Variants in ARHGAP19 observed in about 807,000 individuals in gnomAD.
ARHGAP19 encodes Rho GTPase activating protein 19.
ARHGAP19 carries 48 observed loss-of-function variants against 60.9 expected under a neutral mutation model. That is an observed-to-expected ratio of 0.79 (90% CI 0.62 to 1.00). The LOEUF (loss-of-function observed/expected upper bound fraction) is 1.00, where lower values mean the gene tolerates loss of function less well. Ranked by LOEUF, ARHGAP19 falls within the 50% of genes least tolerant of loss-of-function variation. The pLI is 0.00. For missense variants in ARHGAP19, 562 were observed against 597.2 expected (o/e 0.94, Z 0.61); for synonymous variants, 209 against 215.5 (o/e 0.97, Z 0.27).
At chr10:97,253,131 G>A (rs1435194927) in intron 6 of ARHGAP19, among the ~76,000 whole-genome samples, 1 of 152,106 alleles carries the variant, frequency 6.6e-6, no homozygotes, top group Non-Finnish European at 1.5e-5. Context: ...GCTCACACCT[G>A]TAATCCCAGC....
At chr10:97,236,674 G>A (rs527766688) in intron 8 of ARHGAP19, among the ~76,000 whole-genome samples, 5 of 152,108 alleles carry the variant, frequency 3.3e-5, no homozygotes, top group East Asian at 3.9e-4. Context: ...GGGCATGGTG[G>A]TGTACATCTG....
intron 8 of ARHGAP19, among the ~76,000 whole-genome samples, chr10:97,235,808 A>G (rs1296880813): frequency 1.3e-5 from 2 of 152,212 alleles, no homozygotes; most frequent in Non-Finnish European, 2.9e-5. Flanking sequence ...AGACTTGTCA[A>G]TGCTATCAAC....
Position 97,225,976 on chromosome 10 carries a change from A to AC in ARHGAP19, c.*145_*146insG. On this transcript the variant is annotated 3_prime_UTR_variant, in exon 12 of 12. Transcript: ENST00000358531. ...TCATCCAGTGAGTGGGGTTAGAGGT[A>AC]TCAGTCGGGTCACGGTATTAGTTGG... 6.6e-6 allele frequency: 5 copies of AC among 756,656 alleles called. No individual in the cohort carries two copies. In the South Asian group the frequency reaches 8.4e-5, roughly 13 times the overall value. The allele number at this position is 756,656 out of a possible 1,614,324, so 46.9% of individuals were successfully genotyped here.
At chr10:97,271,428 AC>A (rs1481733819) in intron 1 of ARHGAP19, among the ~76,000 whole-genome samples, 4 of 152,182 alleles carry the variant, frequency 2.6e-5, no homozygotes, top group African/African-American at 9.6e-5. Context: ...TATGCATATA[AC>A]CAAGGATCAG....
intron 1 of ARHGAP19, among the ~76,000 whole-genome samples, chr10:97,288,504 C>T (rs12764524): frequency 6.6e-6 from 1 of 150,610 alleles, no homozygotes; most frequent in African/African-American, 2.4e-5. Flanking sequence ...CGCTTGAACT[C>T]GGGGGGGCAG....
intron 1 of ARHGAP19, among the ~76,000 whole-genome samples, chr10:97,286,225 A>G (rs1456085319): frequency 6.6e-6 from 1 of 152,222 alleles, no homozygotes; most frequent in Admixed American, 6.5e-5. Context: ...TGGGATCAAT[A>G]AAGGTTTAAA....
chr10:97,288,434 G>A (rs1309152098), intron 1 of ARHGAP19, among the ~76,000 whole-genome samples: 2 of 151,980 alleles, frequency 1.3e-5, no homozygotes, highest in Admixed American at 6.6e-5. Context: ...ACAGAAATTA[G>A]TTGAGCGTGC....
intron 6 of ARHGAP19, among the ~76,000 whole-genome samples, chr10:97,254,146 T>C (rs1842724703): frequency 6.6e-6 from 1 of 152,118 alleles, no homozygotes; most frequent in African/African-American, 2.4e-5. Flanking sequence ...AAAATACCAA[T>C]GAGGTTTTTT....
intron 8 of ARHGAP19, among the ~76,000 whole-genome samples, chr10:97,241,668 G>A (rs189646647): frequency 0.022 from 3,199 of 144,526 alleles, 50 homozygotes; most frequent in East Asian, 0.11. Context: ...AGCCGAGATC[G>A]CACCACTGCA....
At chr10:97,285,332 T>C (rs574092388) in intron 1 of ARHGAP19, among the ~76,000 whole-genome samples, 232 of 151,978 alleles carry the variant, frequency 1.5e-3, no homozygotes, top group Non-Finnish European at 2.9e-3. Flanking sequence ...TTAAAACAAA[T>C]TTATTTTTAT....
chr10:97,251,319 A>G (rs1409985284), intron 6 of ARHGAP19, among the ~76,000 whole-genome samples: 2 of 30,988 alleles, frequency 6.5e-5, no homozygotes, highest in Non-Finnish European at 1.2e-4. Flanking sequence ...GGGAAGGGGA[A>G]GGGAAGGGGA....
At chr10:97,237,871 C>CA (rs1287916977) in intron 8 of ARHGAP19, among the ~76,000 whole-genome samples, 11 of 145,736 alleles carry the variant, frequency 7.5e-5, no homozygotes, top group South Asian at 2.2e-4. Context: ...ACTCTATCTC[C>CA]AAAAAAAAAC....
chr10:97,266,538 A>T (rs1177578363), intron 1 of ARHGAP19, among the ~76,000 whole-genome samples: 1 of 152,086 alleles, frequency 6.6e-6, no homozygotes, highest in East Asian at 1.9e-4. Context: ...GAATCTCAGA[A>T]ATATTTTCTT....
chr10:97,277,690 A>G (rs1362873904), intron 1 of ARHGAP19: 1 of 152,342 alleles, frequency 6.6e-6, no homozygotes, highest in Non-Finnish European at 1.5e-5. Context: ...AAAGAAGATG[A>G]GAGCTACTGT....
At chr10:97,278,374 T>G (rs1343315582) in intron 1 of ARHGAP19, among the ~76,000 whole-genome samples, 1 of 152,198 alleles carries the variant, frequency 6.6e-6, no homozygotes, top group Non-Finnish European at 1.5e-5. Flanking sequence ...CTTTTTTTCT[T>G]GACATGCCAA....
chr10:97,239,551 G>GGT (rs201308961), intron 8 of ARHGAP19, among the ~76,000 whole-genome samples: 387 of 20,282 alleles, frequency 0.019, 2 homozygotes, highest in African/African-American at 0.026. Context: ...AGAGAGAGAG[G>GGT]GTGTGTGTGT....
chr10:97,271,120 A>G (rs1842954722), intron 1 of ARHGAP19, among the ~76,000 whole-genome samples: 1 of 152,202 alleles, frequency 6.6e-6, no homozygotes, highest in African/African-American at 2.4e-5. Context: ...AAAAAGCACA[A>G]TCTCCAAAGA....
At chr10:97,270,153 T>C (rs1842944104) in intron 1 of ARHGAP19, among the ~76,000 whole-genome samples, 1 of 152,144 alleles carries the variant, frequency 6.6e-6, no homozygotes, top group Admixed American at 6.6e-5. Flanking sequence ...GTAAACAATC[T>C]CAGTTTCTTT....
At chr10:97,246,107 A>G (rs561410486) in intron 7 of ARHGAP19, among the ~76,000 whole-genome samples, 165 bp downstream of exon 7, 1 of 152,246 alleles carries the variant, frequency 6.6e-6, no homozygotes, top group African/African-American at 2.4e-5. Context: ...TACATAACTT[A>G]CTTCTTAGTC....
Sources: allele counts gnomAD v4.1 joint callset (sites outside exome capture counted in the v4.1 genomes callset), GRCh38; gene constraint gnomAD v4.1.1; transcripts MANE v1.5; gene names NCBI Gene and HGNC (gene_info 2026-07-23, HGNC 2026-07-21).